The following GC variants were observed in gnomAD, a reference collection of about 807,000 sequenced individuals.
The protein encoded by GC is vitamin D-binding protein.
In GC, 43 loss-of-function variants were observed where a neutral mutation model predicts 56.7. That is an observed-to-expected ratio of 0.76 (90% CI 0.59 to 0.98). The LOEUF (loss-of-function observed/expected upper bound fraction) is 0.98, where lower values mean the gene tolerates loss of function less well. Among genes scored for constraint, GC ranks in the 50% least tolerant of loss-of-function variants. The probability of loss-of-function intolerance (pLI) is 0.00; values close to 1 mark genes in which losing one functional copy is unlikely to be tolerated. For synonymous variants in GC, 216 were observed against 202.7 expected, an observed-to-expected ratio of 1.07 and a Z score of -0.56; for missense variants, 529 against 545.9, an observed-to-expected ratio of 0.97 and a Z score of 0.31.
At position 71,769,349 on chromosome 4, in the gene GC, T is replaced by C; in HGVS notation, c.110A>G (p.Lys37Arg). The change falls in exon 2 of 13, where the codon AAG becomes AGG. Residue 37 changes from lysine to arginine, a missense_variant. By Grantham distance (26) the Lys-to-Arg change is conservative. Coordinates refer to ENST00000273951, the MANE Select transcript of GC (RefSeq NM_000583.4). ...KVCKEFSHLG[K>R]EDFTSLSLVL... ...CACTTACAGAGATGTGAAGTCCTCC[T>C]TTCCCAGATGGGAGAATTCCTTGCA... 2 of 1,612,236 alleles carry C rather than the reference T, an allele frequency of 1.2e-6. No homozygotes were observed. Among genetic ancestry groups the C allele is most frequent in the South Asian group, 1.1e-5 (1 of 91,010 alleles).
intron 4 of GC, 149 bp from the exon 5 acceptor site, chr4:71,764,085 G>A (rs568248518): frequency 1.3e-4 from 81 of 608,566 alleles, no homozygotes; most frequent in African/African-American, 7.5e-4. Context: ...GGCCTCAAGC[G>A]ATCCTCCTGC....
chr4:71,754,991 C>A lies in GC; in HGVS notation c.1151G>T (p.Cys384Phe). 6.3e-7 allele frequency: 1 copy of A among 1,582,128 alleles called. No homozygotes were observed. The highest frequency in any genetic ancestry group is 1.4e-5 in the African/African-American group (1 of 72,872). ...CAACAAATATACCTTAGCATTAAAA[C>A]AGGTAGTTGAGTCTTCAACATCACA... Reference protein sequence around the residue: ...ECCDVEDSTTCFNAKGPLLKK... With the variant: ...ECCDVEDSTTFFNAKGPLLKK... The change falls in exon 9 of 13, where the codon TGT (cysteine) becomes TTT (phenylalanine). Residue 384 changes from cysteine (C) to phenylalanine (F), a missense_variant. Transcript: ENST00000273951.
intron 1 of GC, among the ~76,000 whole-genome samples, chr4:71,774,355 T>C (rs1742438928): frequency 6.6e-6 from 1 of 152,044 alleles, no homozygotes; most frequent in South Asian, 2.1e-4. Flanking sequence ...CTAATGTCCT[T>C]GGGTTCACCT....
chr4:71,747,319 A>G (rs705119), intron 11 of GC, among the ~76,000 whole-genome samples: 1 of 151,874 alleles, frequency 6.6e-6, no homozygotes. Context: ...GATTAAAAGC[A>G]TAAGCATTGA....
intron 11 of GC, among the ~76,000 whole-genome samples, chr4:71,749,729 C>T (rs1271584909): frequency 6.6e-6 from 1 of 152,156 alleles, no homozygotes; most frequent in Non-Finnish European, 1.5e-5. Context: ...AATATTCTGA[C>T]AATCCAGCTT....
At chr4:71,790,768 A>AT (rs1171702101) in intron 1 of GC, among the ~76,000 whole-genome samples, 1 of 150,724 alleles carries the variant, frequency 6.6e-6, no homozygotes, top group Admixed American at 6.6e-5. Flanking sequence ...ATTTAATTTA[A>AT]TTTTATTATT....
chr4:71,798,309 G>A (rs114835516), intron 1 of GC, among the ~76,000 whole-genome samples: 2,193 of 152,224 alleles, frequency 0.014, 22 homozygotes, highest in Non-Finnish European at 0.023. Context: ...TACTGTGTTT[G>A]CAGCATCTCA....
intron 10 of GC, 55 bp downstream of exon 10, chr4:71,754,356 A>T: frequency 1.2e-6 from 1 of 813,446 alleles, no homozygotes; most frequent in Non-Finnish European, 2.1e-6. Context: ...AATTCATAGT[A>T]CTATGAAAAT....
intron 1 of GC, among the ~76,000 whole-genome samples, chr4:71,801,502 C>T (rs1743247636): frequency 6.6e-6 from 1 of 152,100 alleles, no homozygotes; most frequent in African/African-American, 2.4e-5. Flanking sequence ...ACATTTTTGA[C>T]ACATAGAGAG....
intron 1 of GC, among the ~76,000 whole-genome samples, chr4:71,773,523 C>G (rs769034968): frequency 3.7e-4 from 56 of 152,044 alleles, no homozygotes; most frequent in South Asian, 1.4e-3. Flanking sequence ...CCAAAATAGA[C>G]ACATCCTTGC....
At position 71,752,470 on chromosome 4, in the gene GC, G is replaced by A. The variant is rs751931901; in HGVS notation, c.1395+48C>T. The A allele has an allele frequency of 4.6e-6, 7 of 1,515,260 alleles. No homozygotes were observed. The East Asian group carries it at 9.1e-5, about 20-fold the overall frequency. 93.9% of individuals were successfully genotyped at this position (1,515,260 alleles called of 1,614,324 possible). A position where few individuals can be genotyped will look rare whatever the true frequency, so the allele number is the denominator to read the frequency against. On this transcript the variant is annotated intron_variant, in intron 11 of 12. Coordinates refer to ENST00000273951, the MANE Select transcript of GC (RefSeq NM_000583.4). ...GAAATGAGTAGATTGGAGTGCATAC[G>A]TTCTTAAAAGATTCTGCCATGTTAA... is the stretch of plus-strand genomic sequence containing the variant.
Position 71,765,610 on chromosome 4 carries a change from T to G in GC, c.295A>C (p.Asn99His). 6.2e-7 allele frequency: 1 copy of G among 1,613,422 alleles called. No homozygotes were observed. Among genetic ancestry groups the G allele is most frequent in the South Asian group, 1.1e-5 (1 of 91,058 alleles). The change falls in exon 4 of 13, where the codon AAT becomes CAT. Residue 99 changes from asparagine to histidine, a missense_variant. Coordinates refer to ENST00000273951, the MANE Select transcript of GC (RefSeq NM_000583.4). ...SALSAKSCES[N>H]SPFPVHPGTA... ...CCTGGGTGAACGGGGAATGGAGAAT[T>G]ACTTTCACAGGACTTGGCAGACAGT...
intron 1 of GC, among the ~76,000 whole-genome samples, chr4:71,779,770 GA>G (rs1330235460): frequency 1.3e-5 from 2 of 151,806 alleles, no homozygotes; most frequent in African/African-American, 4.8e-5. Context: ...ATATCAGTAA[GA>G]TGAAACATTG....
chr4:71,743,599 A>G (rs1290307572), intron 12 of GC, among the ~76,000 whole-genome samples: 5 of 152,314 alleles, frequency 3.3e-5, no homozygotes, highest in African/African-American at 1.2e-4. Flanking sequence ...TTCTCCCTGG[A>G]ACCCAGGAAC....
intron 6 of GC, among the ~76,000 whole-genome samples, chr4:71,760,164 C>T (rs1449961799): frequency 2.0e-5 from 3 of 151,476 alleles, no homozygotes; most frequent in African/African-American, 7.3e-5. Context: ...CTGCCTCAGC[C>T]TCCTGAGTAG....
rs558693782 is a variant in GC at position 71,742,240 on chromosome 4, A to G, written c.*26-370T>C. Among the ~76,000 whole-genome samples, 7 of 152,336 alleles carry G rather than the reference A, an allele frequency of 4.6e-5. No homozygotes were observed. In the East Asian group the frequency reaches 1.4e-3, roughly 29 times the overall value. On this transcript the variant is annotated intron_variant, in intron 12 of 12. Transcript: ENST00000273951. ...CAGTGGCATAATGAGGCCCCCAATC[A>G]TCATGGAATTGAGACAATAGTTGAG... is the stretch of plus-strand genomic sequence containing the variant.
intron 1 of GC, among the ~76,000 whole-genome samples, chr4:71,792,410 T>G (rs1340228249): frequency 6.6e-6 from 1 of 152,250 alleles, no homozygotes; most frequent in Admixed American, 6.5e-5. Flanking sequence ...ATTTCTCTGA[T>G]GACCAGTGAT....
In GC at chr4:71,768,217, A is replaced by C. The variant is rs1160771981; in HGVS notation, c.261+84T>G. The C allele has an allele frequency of 4.2e-6, 5 of 1,186,980 alleles. No homozygotes were observed. In the East Asian group the frequency reaches 8.0e-5, roughly 19 times the overall value. The allele number at this position is 1,186,980 out of a possible 1,614,324, so 73.5% of individuals were successfully genotyped here. ...TAGGAGTAAATGGAGTTGCTGTCTA[A>C]AATTTTTTCAACACGTGGTATAAAG... On this transcript the variant is annotated intron_variant, in intron 3 of 12. Transcript: ENST00000273951.
chr4:71,779,283 G>A (rs2149305484), intron 1 of GC, among the ~76,000 whole-genome samples: 1 of 151,962 alleles, frequency 6.6e-6, no homozygotes, highest in South Asian at 2.1e-4. Flanking sequence ...ATAAGGTAAG[G>A]TACTAGGTGC....
Sources: allele counts gnomAD v4.1 joint callset (sites outside exome capture counted in the v4.1 genomes callset), GRCh38; gene constraint gnomAD v4.1.1; transcripts MANE v1.5; gene names NCBI Gene and HGNC (gene_info 2026-07-23, HGNC 2026-07-21).